DNAJC10: variants seen among roughly 807,000 people sequenced by gnomAD.
The protein encoded by DNAJC10 is endoplasmic reticulum disulfide reductase DNAJC10.
In DNAJC10, 101 loss-of-function variants were observed where a neutral mutation model predicts 115.0. The ratio of observed to expected loss-of-function variants is 0.88; its 90% CI spans 0.75 to 1.04. The LOEUF (loss-of-function observed/expected upper bound fraction) is 1.04, where lower values mean the gene tolerates loss of function less well. Among genes scored for constraint, DNAJC10 ranks in the 50% least tolerant of loss-of-function variants. DNAJC10 has a pLI of 0.00. For synonymous variants in DNAJC10, 307 were observed against 301.5 expected (o/e 1.02, Z -0.19); for missense variants, 981 against 928.8 (o/e 1.06, Z -0.73).
chr2:182,757,541 CTAT>C (rs1363847331), intron 18 of DNAJC10, 148 bp from the exon 19 acceptor site: 1 of 471,670 alleles, frequency 2.1e-6, no homozygotes, highest in Non-Finnish European at 3.5e-6. Context: ...TATAAATGGT[CTAT>C]TATATGTTAA....
intron 5 of DNAJC10, among the ~76,000 whole-genome samples, chr2:182,727,264 A>G (rs1205284079): frequency 6.6e-6 from 1 of 151,106 alleles, no homozygotes; most frequent in Non-Finnish European, 1.5e-5. Context: ...GTTTTGTGTC[A>G]AATACCATTC....
Position 182,755,000 on chromosome 2 carries a change from C to T in DNAJC10, c.1552-3C>T, listed in dbSNP as rs749497801. The T allele has an allele frequency of 5.8e-6, 9 of 1,554,334 alleles. No homozygotes were observed. Among genetic ancestry groups the T allele is most frequent in the Middle Eastern group, 3.4e-4 (2 of 5,948 alleles). Reference sequence around the variant, plus strand: ...CTTTAATTCATATTCTCCTTCCTATCAGTATAACATTCAGGCTTATCCAAC... The same window carrying T: ...CTTTAATTCATATTCTCCTTCCTATTAGTATAACATTCAGGCTTATCCAAC... On this transcript the variant is annotated splice_region_variant and splice_polypyrimidine_tract_variant and intron_variant, in intron 16 of 23. Transcript: ENST00000264065.
rs765667590 is a variant in DNAJC10, at chr2:182,757,764, G to A, written c.1882G>A (p.Val628Ile). The A allele has an allele frequency of 5.0e-6, 8 of 1,593,968 alleles. No homozygotes were observed. The highest frequency in any genetic ancestry group is 4.5e-5 in the East Asian group (2 of 44,426). ...TCATTCTTTTTGTGCCCAGGAAAAC[G>A]TTCAAAGATACCCTGAGATAAGATT... is the stretch of plus-strand genomic sequence containing the variant. ...QYHSFCAQEN[V>I]QRYPEIRFFP... The change falls in exon 19 of 24, where the codon GTT (valine) becomes ATT (isoleucine). Residue 628 changes from valine to isoleucine, a missense_variant. Coordinates refer to ENST00000264065, the MANE Select transcript of DNAJC10 (RefSeq NM_018981.4).
chr2:182,757,130 A>T (rs1181366023), intron 18 of DNAJC10, among the ~76,000 whole-genome samples: 1 of 152,212 alleles, frequency 6.6e-6, no homozygotes, highest in African/African-American at 2.4e-5. Context: ...TCCTGAAAAT[A>T]GGCACCATGT....
rs150748071 is a variant in DNAJC10, at chr2:182,766,643, C to T, written c.2265+3842C>T. Among the ~76,000 whole-genome samples, 81 of 152,146 alleles carry T rather than the reference C, an allele frequency of 5.3e-4. 1 individual carries two copies. The East Asian group carries it at 0.014, about 26-fold the overall frequency. ...ACTCCAGGGAAGCAGAAAAAAGACA[C>T]GGCCAGAAAGGCTGATGCTGGAAAT... On this transcript the variant is annotated intron_variant, in intron 22 of 23. Coordinates refer to ENST00000264065, the MANE Select transcript of DNAJC10 (RefSeq NM_018981.4).
chr2:182,738,074 G>A (rs1693631720), intron 11 of DNAJC10, among the ~76,000 whole-genome samples: 2 of 152,098 alleles, frequency 1.3e-5, no homozygotes, highest in South Asian at 4.1e-4. Context: ...AAATGAATAT[G>A]TATACATTAT....
rs1293636289 is a variant in DNAJC10 at position 182,792,701 on chromosome 2, G to A, written c.*15569G>A. 1 of 152,130 alleles carries A rather than the reference G, an allele frequency of 6.6e-6. No individual in the cohort carries two copies. Among genetic ancestry groups the A allele is most frequent in the African/African-American group, 2.4e-5 (1 of 41,440 alleles). 9.4% of individuals were successfully genotyped at this position (152,130 alleles called of 1,614,324 possible). On this transcript the variant is annotated 3_prime_UTR_variant, in exon 24 of 24. Coordinates refer to ENST00000264065, the MANE Select transcript of DNAJC10 (RefSeq NM_018981.4). ...TCAATTCTTCCGCTAATGGAACATC[G>A]TAATCCTCCTTGTCATCTTTCCTTT...
rs1464222141 is a variant in DNAJC10 at position 182,787,420 on chromosome 2, G to C, written c.*10288G>C. 6.6e-6 allele frequency: 1 copy of C among 152,108 alleles called. No individual in the cohort carries two copies. Among genetic ancestry groups the C allele is most frequent in the Non-Finnish European group, 1.5e-5 (1 of 68,030 alleles). 9.4% of individuals were successfully genotyped at this position (152,108 alleles called of 1,614,324 possible). ...ATAGTTTATAAGCTCTGCTATTCAA[G>C]AAGTTTATACAAACCCGTAATGTAC... is the stretch of plus-strand genomic sequence containing the variant. On this transcript the variant is annotated 3_prime_UTR_variant, in exon 24 of 24. Coordinates refer to ENST00000264065, the MANE Select transcript of DNAJC10 (RefSeq NM_018981.4).
chr2:182,758,726 A>G (rs1368131836), intron 19 of DNAJC10, 111 bp from the exon 20 acceptor site: 1 of 760,142 alleles, frequency 1.3e-6, no homozygotes, highest in Non-Finnish European at 2.2e-6. Flanking sequence ...GAGATACCAG[A>G]TGAAATCAAT....
In DNAJC10 at chr2:182,792,132, T is replaced by C. The variant is rs1695061497; in HGVS notation, c.*15000T>C. The C allele has an allele frequency of 6.6e-6, 1 of 152,098 alleles. No homozygotes were observed. The highest frequency in any genetic ancestry group is 2.1e-4 in the South Asian group (1 of 4,828). The allele number at this position is 152,098 out of a possible 1,614,324, so 9.4% of individuals were successfully genotyped here. A position where few individuals can be genotyped will look rare whatever the true frequency, so the allele number is the denominator to read the frequency against. The stretch of plus-strand genomic sequence containing the variant: ...ACTCAATACATGTTCAAAGAGTAAA[T>C]TAAAGAAAAAAGAGATGCTCAAGTC... On this transcript the variant is annotated 3_prime_UTR_variant, in exon 24 of 24. Coordinates refer to ENST00000264065, the MANE Select transcript of DNAJC10 (RefSeq NM_018981.4).
intron 14 of DNAJC10, among the ~76,000 whole-genome samples, chr2:182,751,242 C>T (rs919441036): frequency 7.2e-6 from 1 of 139,440 alleles, no homozygotes; most frequent in Non-Finnish European, 1.5e-5. Flanking sequence ...TCAAGCAGTT[C>T]TCCTGCCTCA....
Position 182,729,860 on chromosome 2 carries a change from TATC to T in DNAJC10, c.649_651del (p.His217del), listed in dbSNP as rs771758358. ...CAAAAACCAATAGGCCCCAGTGAAA[TATC>T]ATGGAGACAGATCAAAGGAGAGTTT... On this transcript the variant is annotated inframe_deletion, in exon 8 of 24. Transcript: ENST00000264065. The T allele has an allele frequency of 6.3e-7, 1 of 1,591,876 alleles. No homozygotes were observed. The highest frequency in any genetic ancestry group is 8.5e-7 in the Non-Finnish European group (1 of 1,171,370).
chr2:182,742,885 C>A (rs964879194), intron 13 of DNAJC10, among the ~76,000 whole-genome samples: 19 of 150,996 alleles, frequency 1.3e-4, no homozygotes, highest in Non-Finnish European at 8.8e-5. Context: ...GTCACTCTGT[C>A]AGCCAGGCTG....
Position 182,775,277 on chromosome 2 carries a change from A to G in DNAJC10, c.2266-39A>G, listed in dbSNP as rs1027608871. Reference sequence around the variant, plus strand: ...TCTTAGGTGGAAATGTTATGTTTTTATTAAATACTTAAAAGATAACAAGTG... The same window carrying G: ...TCTTAGGTGGAAATGTTATGTTTTTGTTAAATACTTAAAAGATAACAAGTG... On this transcript the variant is annotated intron_variant, in intron 22 of 23. Transcript: ENST00000264065. The G allele has an allele frequency of 7.9e-6, 10 of 1,271,870 alleles. No individual in the cohort carries two copies. The Admixed American group carries it at 1.5e-4, about 19-fold the overall frequency. 78.8% of individuals were successfully genotyped at this position (1,271,870 alleles called of 1,614,324 possible).
At chr2:182,742,349 C>T (rs1025864531) in intron 13 of DNAJC10, among the ~76,000 whole-genome samples, 8 of 152,082 alleles carry the variant, frequency 5.3e-5, no homozygotes, top group South Asian at 2.1e-4. Flanking sequence ...GCCACCAAGT[C>T]CGGCTAATTT....
At chr2:182,727,665 T>C (rs548811679) in intron 5 of DNAJC10, among the ~76,000 whole-genome samples, 2 of 152,342 alleles carry the variant, frequency 1.3e-5, no homozygotes, top group East Asian at 3.9e-4. Flanking sequence ...CTAATTAGCC[T>C]GAATTAGTTG....
At chr2:182,719,280 G>C (rs1574913924) in intron 3 of DNAJC10, among the ~76,000 whole-genome samples, 1 of 130,950 alleles carries the variant, frequency 7.6e-6, no homozygotes, top group Admixed American at 7.7e-5. Context: ...TTTTGAGATA[G>C]GGTCTCACTC....
chr2:182,762,829 C>T (rs370737402), intron 22 of DNAJC10, 28 bp downstream of exon 22: 1 of 1,599,706 alleles, frequency 6.3e-7, no homozygotes, highest in Non-Finnish European at 8.5e-7. Context: ...TCTGTTCCTT[C>T]CCTTAGTAGG....
intron 11 of DNAJC10, chr2:182,739,471 T>C (rs986320473): frequency 1.1e-5 from 12 of 1,063,396 alleles, no homozygotes; most frequent in Admixed American, 6.8e-5. Context: ...TAAAGACATA[T>C]ATTAAACTCT....
Sources: gnomAD v4.1 joint callset for allele counts (sites outside exome capture counted in the v4.1 genomes callset) on GRCh38, gnomAD v4.1.1 for gene constraint, MANE v1.5 for transcripts, NCBI Gene and HGNC (gene_info 2026-07-23, HGNC 2026-07-21) for gene names.